The following PLOD1 variants were observed in gnomAD, a reference collection of about 807,000 sequenced individuals.
PLOD1 encodes procollagen-lysine,2-oxoglutarate 5-dioxygenase 1.
PLOD1 carries 70 observed loss-of-function variants against 94.7 expected under a neutral mutation model. The observed-to-expected ratio is 0.74, with a 90% CI of 0.61 to 0.90. The LOEUF (loss-of-function observed/expected upper bound fraction) is 0.90. PLOD1 is among the 40% of genes least tolerant of loss of function. The pLI is 0.00. For missense variants in PLOD1, 905 were observed against 972.7 expected (o/e 0.93, Z 0.93); for synonymous variants, 417 against 400.2 (o/e 1.04, Z -0.50).
In PLOD1 at chr1:11,954,920, G is replaced by T. The variant is rs1206010728; in HGVS notation, c.643+27G>T. 2.6e-6 allele frequency: 4 copies of T among 1,554,296 alleles called. No individual in the cohort carries two copies. In the Admixed American group the frequency reaches 6.7e-5, roughly 26 times the overall value. On this transcript the variant is annotated intron_variant, in intron 6 of 18. Transcript: ENST00000196061. ...TGAGCAGCCCCCACGGGGAGGGGTG[G>T]ATCCTCAGAGGGGTGATAGGAAGAA...
At chr1:11,954,551 C>T in intron 5 of PLOD1, 1 of 705,320 alleles carries the variant, frequency 1.4e-6, no homozygotes, top group Non-Finnish European at 2.7e-6. Context: ...GCTGGTTACT[C>T]TTAACGGCCG....
At chr1:11,962,274 C>CTTTT (rs780613164) in intron 10 of PLOD1, among the ~76,000 whole-genome samples, 50 of 99,074 alleles carry the variant, frequency 5.0e-4, no homozygotes, top group East Asian at 9.1e-4. Context: ...TTTTTGTTTT[C>CTTTT]TTTTTTTTTT....
intron 1 of PLOD1, among the ~76,000 whole-genome samples, chr1:11,938,226 CA>C (rs1645593037): frequency 6.6e-6 from 1 of 152,148 alleles, no homozygotes; most frequent in Non-Finnish European, 1.5e-5. Context: ...GCTGGGATTA[CA>C]GGCCTGAGCC....
rs947884460 is a variant in PLOD1, at chr1:11,972,410, T to G, written c.1903-462T>G. 1 of 169,624 alleles carries G rather than the reference T, an allele frequency of 5.9e-6. No homozygotes were observed. The highest frequency in any genetic ancestry group is 1.3e-5 in the Non-Finnish European group (1 of 78,050). 10.5% of individuals were successfully genotyped at this position (169,624 alleles called of 1,614,324 possible). ...GCGATTACAGACGCCCACCACCATG[T>G]CTGGCTAATTTTTTGTAATTTCAGT... is the stretch of plus-strand genomic sequence containing the variant. On this transcript the variant is annotated intron_variant, in intron 17 of 18. Coordinates refer to ENST00000196061, the MANE Select transcript of PLOD1 (RefSeq NM_000302.4). This position sits in a 1 kb window ranked among gnomAD's most constrained non-coding sequence, Gnocchi z 4.6.
At chr1:11,969,611 C>T (rs917329631) in intron 16 of PLOD1, among the ~76,000 whole-genome samples, 14 of 152,136 alleles carry the variant, frequency 9.2e-5, no homozygotes, top group African/African-American at 2.7e-4. Context: ...GAATAACACC[C>T]GTGTGTTATC....
rs767176963 is a variant in PLOD1, at chr1:11,966,300, G to A, written c.1634G>A (p.Gly545Glu). ...CAGAACTACACCAAAGCCCTGGCAG[G>A]GAAGCTGGTGGAGACGGTAAGGGCC... The part of the protein sequence containing the change: ...IHQNYTKALA[G>E]KLVETPCPDV... Residue 545 changes from glycine to glutamate, a missense_variant, in exon 15 of 19, where the codon GGG (glycine) becomes GAG (glutamate). Gly to Glu is a moderately conservative substitution (Grantham distance 98). Transcript: ENST00000196061. 1.2e-6 allele frequency: 2 copies of A among 1,606,694 alleles called. No individual in the cohort carries two copies. The highest frequency in any genetic ancestry group is 2.2e-5 in the East Asian group (1 of 44,542).
Position 11,949,445 on chromosome 1 carries a change from AGTGTT to A in PLOD1, c.169-326_169-322del. On this transcript the variant is annotated intron_variant, in intron 2 of 18. Transcript: ENST00000196061. ...TTCTTTTTCTCTTTTTTTGAGACGG[AGTGTT>A]GCTCTGTCTCCCAGGCTGAAGTGCA... Among the ~76,000 whole-genome samples the A allele has an allele frequency of 1.3e-5, 2 of 151,910 alleles. 1 individual carries two copies. Among genetic ancestry groups the A allele is most frequent in the Admixed American group, 1.3e-4 (2 of 15,244 alleles).
At position 11,964,728 on chromosome 1, in the gene PLOD1, C is replaced by G. The variant is rs375032262; in HGVS notation, c.1413C>G (p.Leu471=). The G allele has an allele frequency of 6.2e-7, 1 of 1,613,756 alleles. No homozygotes were observed. The highest frequency in any genetic ancestry group is 1.1e-5 in the South Asian group (1 of 91,090). ...GGGGTGAGCTGCAGTCCTCAGATCT[C>G]TTCCACCACAGCAAGCTGGACCCCG... The part of the protein sequence containing the change: ...ALRGELQSSD[L]FHHSKLDPDM... Residue 471 remains leucine, a synonymous_variant, in exon 13 of 19, where the codon CTC becomes CTG. Transcript: ENST00000196061.
chr1:11,973,199 C>T (rs189838160), intron 18 of PLOD1, among the ~76,000 whole-genome samples: 56 of 152,234 alleles, frequency 3.7e-4, no homozygotes, highest in Middle Eastern at 3.4e-3. Flanking sequence ...TCTTAAGCTA[C>T]TATTTTAAGA....
intron 1 of PLOD1, among the ~76,000 whole-genome samples, chr1:11,939,581 G>A (rs1466662101): frequency 1.3e-5 from 2 of 152,048 alleles, no homozygotes; most frequent in Non-Finnish European, 2.9e-5. Flanking sequence ...CCCCAACCAA[G>A]CCCTCACCGT....
At position 11,963,871 on chromosome 1, in the gene PLOD1, C is replaced by T. The variant is rs191004048; in HGVS notation, c.1202+235C>T. 1.6e-3 allele frequency among the ~76,000 whole-genome samples: 240 copies of T among 152,018 alleles called. 2 individuals are homozygous for T. Among genetic ancestry groups the T allele is most frequent in the African/African-American group, 5.6e-3 (231 of 41,452 alleles). ...CGTCTTCCTCATCCTCTTTCTCCTC[C>T]TCCTCTTCCTCCTCCTCCTTGGCCT... On this transcript the variant is annotated intron_variant, in intron 11 of 18. Transcript: ENST00000196061. This position sits in a 1 kb window ranked among gnomAD's most constrained non-coding sequence, Gnocchi z 4.3.
intron 3 of PLOD1, 93 bp downstream of exon 3, chr1:11,949,999 GGGGACCACTCTAGCTAA>G: frequency 1.5e-6 from 2 of 1,323,572 alleles, no homozygotes; most frequent in South Asian, 2.4e-5. Context: ...GGGGAAGAAG[GGGGACCACTCTAGCTAA>G]GGTTGCCTAG....
In PLOD1 at chr1:11,965,509, C is replaced by T. The variant is rs972551073; in HGVS notation, c.1500C>T (p.His500=). 5 of 1,613,418 alleles carry T rather than the reference C, an allele frequency of 3.1e-6. No homozygotes were observed. Among genetic ancestry groups the T allele is most frequent in the South Asian group, 1.1e-5 (1 of 91,086 alleles). ...TGTTCATGTTCCTGACCAACCGGCA[C>T]ACCCTTGGCCATCTGCTCTCCCTAG... The part of the protein sequence containing the change: ...QDVFMFLTNR[H]TLGHLLSLDS... The change falls in exon 14 of 19, where the codon CAC becomes CAT. Residue 500 remains histidine (H), a synonymous_variant. Coordinates refer to ENST00000196061, the MANE Select transcript of PLOD1 (RefSeq NM_000302.4).
In PLOD1 at chr1:11,957,328, C is replaced by T; in HGVS notation, c.741+314C>T. 1.9e-6 allele frequency: 1 copy of T among 534,364 alleles called. No homozygotes were observed. Among genetic ancestry groups the T allele is most frequent in the East Asian group, 4.0e-5 (1 of 24,812 alleles). 33.1% of individuals were successfully genotyped at this position (534,364 alleles called of 1,614,324 possible). ...CAGAGTCACTTATTCACTCAGTAAA[C>T]CTTTATTTCATGTTTGCACCAGACA... On this transcript the variant is annotated intron_variant, in intron 7 of 18. Transcript: ENST00000196061. The surrounding 1 kb of genome is among the most constrained non-coding windows in gnomAD (Gnocchi z 4.1).
intron 1 of PLOD1, among the ~76,000 whole-genome samples, chr1:11,938,791 C>A (rs1645596734): frequency 6.6e-6 from 1 of 152,094 alleles, no homozygotes; most frequent in Non-Finnish European, 1.5e-5. Context: ...GAAACATGGA[C>A]CGTTTTCACT....
At chr1:11,953,917 C>G (rs907749208) in intron 5 of PLOD1, among the ~76,000 whole-genome samples, 4 of 151,712 alleles carry the variant, frequency 2.6e-5, no homozygotes, top group Non-Finnish European at 5.9e-5. Flanking sequence ...CAGGCTGATG[C>G]GCAGTGGCAG....
chr1:11,973,540 C>A (rs1359970143), intron 18 of PLOD1, among the ~76,000 whole-genome samples: 1 of 151,978 alleles, frequency 6.6e-6, no homozygotes, highest in Non-Finnish European at 1.5e-5. Flanking sequence ...TAGCCCTGGG[C>A]TGGGTGCTGT....
intron 16 of PLOD1, among the ~76,000 whole-genome samples, chr1:11,968,659 G>A (rs549965928): frequency 2.6e-5 from 4 of 150,944 alleles, no homozygotes; most frequent in Admixed American, 1.3e-4. Flanking sequence ...GATTACAGGC[G>A]CCTGCCACCA....
intron 18 of PLOD1, among the ~76,000 whole-genome samples, chr1:11,973,734 C>T (rs1401835084): frequency 6.6e-6 from 1 of 151,962 alleles, no homozygotes; most frequent in Non-Finnish European, 1.5e-5. Flanking sequence ...GCGTGTGCCA[C>T]CATGGCCAGC....
Sources: allele counts gnomAD v4.1 joint callset (sites outside exome capture counted in the v4.1 genomes callset), GRCh38; gene constraint gnomAD v4.1.1; non-coding constraint Gnocchi (gnomAD v3.1); transcripts MANE v1.5; gene names NCBI Gene and HGNC (gene_info 2026-07-23, HGNC 2026-07-21).